FBXL7: variants seen among roughly 807,000 people sequenced by gnomAD.
FBXL7 encodes F-box/LRR-repeat protein 7.
FBXL7 carries 12 observed loss-of-function variants against 38.3 expected under a neutral mutation model. The ratio of observed to expected loss-of-function variants is 0.31; its 90% confidence interval spans 0.20 to 0.51. FBXL7 has a LOEUF of 0.51. Among genes scored for constraint, FBXL7 ranks in the 20% least tolerant of loss-of-function variants. The pLI is 0.98. For synonymous variants in FBXL7, 297 were observed against 300.9 expected (o/e 0.99, Z 0.13); for missense variants, 567 against 676.4 (o/e 0.84, Z 1.79).
intron 2 of FBXL7, among the ~76,000 whole-genome samples, chr5:15,753,092 C>T (rs1439571803): frequency 2.0e-5 from 3 of 152,122 alleles, no homozygotes; most frequent in Non-Finnish European, 2.9e-5. Context: ...GATTATAACT[C>T]CTCTTGCAGG....
chr5:15,917,702 A>G lies in FBXL7; in HGVS notation c.128-10188A>G, dbSNP rs6888458. ...GGAAGGAAGGAAGGAAGGAAGAAAG[A>G]AAGGAAGGAAGGAAGGACGATGCTA... On this transcript the variant is annotated intron_variant, in intron 2 of 3. Coordinates refer to ENST00000504595, the MANE Select transcript of FBXL7 (RefSeq NM_012304.5). Among the ~76,000 whole-genome samples the G allele has an allele frequency of 5.7e-3, 700 of 123,118 alleles. 5 individuals are homozygous for G. The highest frequency in any genetic ancestry group is 0.015 in the African/African-American group (538 of 34,970). 80.8% of individuals were successfully genotyped at this position (123,118 alleles called of 152,430 possible).
intron 2 of FBXL7, among the ~76,000 whole-genome samples, chr5:15,822,485 C>G (rs1338266857): frequency 6.6e-6 from 1 of 152,156 alleles, no homozygotes; most frequent in Non-Finnish European, 1.5e-5. Flanking sequence ...TTCTTGTAAG[C>G]CCTGGATTAA....
At chr5:15,690,887 A>T (rs1328029009) in intron 2 of FBXL7, among the ~76,000 whole-genome samples, 1 of 152,154 alleles carries the variant, frequency 6.6e-6, no homozygotes, top group South Asian at 2.1e-4. Context: ...CTGTAATTGT[A>T]GGAATGGATT....
chr5:15,614,559 C>T (rs1026612495), intron 1 of FBXL7, among the ~76,000 whole-genome samples: 3 of 152,172 alleles, frequency 2.0e-5, no homozygotes, highest in African/African-American at 7.2e-5. Context: ...CACAAGCCAC[C>T]GCGCCCATCC....
At chr5:15,835,844 A>G (rs1738579183) in intron 2 of FBXL7, among the ~76,000 whole-genome samples, 1 of 152,186 alleles carries the variant, frequency 6.6e-6, no homozygotes, top group Admixed American at 6.5e-5. Context: ...GTTAAGTTGT[A>G]GTCCTTTGAA....
intron 2 of FBXL7, among the ~76,000 whole-genome samples, chr5:15,686,721 A>G (rs1020758528): frequency 2.0e-5 from 3 of 152,226 alleles, no homozygotes; most frequent in Admixed American, 2.0e-4. Flanking sequence ...TTGTTCCTGT[A>G]TCTTTAGTTA....
At chr5:15,605,626 T>C (rs1739980255) in intron 1 of FBXL7, among the ~76,000 whole-genome samples, 1 of 152,184 alleles carries the variant, frequency 6.6e-6, no homozygotes. Context: ...AGAGAGCTTC[T>C]TTGGGGTGAT....
At chr5:15,559,995 G>A (rs908347671) in intron 1 of FBXL7, among the ~76,000 whole-genome samples, 6 of 152,170 alleles carry the variant, frequency 3.9e-5, no homozygotes, top group Admixed American at 1.3e-4. Context: ...CGGCATGATT[G>A]TTAGGTACAT....
intron 2 of FBXL7, among the ~76,000 whole-genome samples, chr5:15,690,396 T>A (rs1046554669): frequency 1.3e-5 from 2 of 152,118 alleles, no homozygotes; most frequent in Admixed American, 6.5e-5. Flanking sequence ...ATATTTTTTT[T>A]AATTTTATTT....
At position 15,936,737 on chromosome 5, in the gene FBXL7, C is replaced by T. The variant is rs375745885; in HGVS notation, c.1027C>T (p.Arg343Trp). 6.2e-6 allele frequency: 10 copies of T among 1,608,854 alleles called. No homozygotes were observed. Among genetic ancestry groups the T allele is most frequent in the African/African-American group, 1.3e-5 (1 of 75,026 alleles). Residue 343 changes from arginine (R) to tryptophan (W), a missense_variant, in exon 4 of 4, where the codon CGG becomes TGG. By Grantham distance (101) the Arg-to-Trp change is moderately radical (BLOSUM62 -3). Transcript: ENST00000504595. The surrounding 1 kb of genome is among the most constrained non-coding windows in gnomAD (Gnocchi z 6.0). Reference protein sequence around the residue: ...DCRFVSDFGLREIAKLESRLR... With the variant: ...DCRFVSDFGLWEIAKLESRLR... ...CCGCTTCGTCAGCGACTTCGGCCTG[C>T]GGGAGATCGCCAAGCTGGAGTCCCG...
chr5:15,730,296 A>G (rs1437869719), intron 2 of FBXL7, among the ~76,000 whole-genome samples: 2 of 151,950 alleles, frequency 1.3e-5, no homozygotes, highest in African/African-American at 2.4e-5. Flanking sequence ...ATGTTTGCCT[A>G]TTTTCTTTGG....
chr5:15,688,080 T>C (rs756807178), intron 2 of FBXL7, among the ~76,000 whole-genome samples: 6 of 152,268 alleles, frequency 3.9e-5, no homozygotes, highest in African/African-American at 7.2e-5. Context: ...CAATTACATA[T>C]TTAAATGTAT....
At chr5:15,747,130 C>T (rs1271645530) in intron 2 of FBXL7, among the ~76,000 whole-genome samples, 1 of 152,106 alleles carries the variant, frequency 6.6e-6, no homozygotes, top group Admixed American at 6.5e-5. Flanking sequence ...GGTGGGAATT[C>T]AGCAGACTGT....
intron 1 of FBXL7, among the ~76,000 whole-genome samples, chr5:15,541,417 TAC>T (rs1296452980): frequency 3.0e-5 from 4 of 131,698 alleles, no homozygotes; most frequent in Non-Finnish European, 4.8e-5. Flanking sequence ...TGTATATATA[TAC>T]ATATAGTATA....
chr5:15,622,008 A>G (rs1231654980), intron 2 of FBXL7, among the ~76,000 whole-genome samples: 5 of 152,204 alleles, frequency 3.3e-5, no homozygotes, highest in African/African-American at 1.2e-4. Context: ...AGTTATTGTC[A>G]AGGAACAGCA....
chr5:15,787,327 C>T (rs1196803661), intron 2 of FBXL7, among the ~76,000 whole-genome samples: 7 of 152,084 alleles, frequency 4.6e-5, no homozygotes, highest in East Asian at 3.9e-4. Context: ...AAAATATAGA[C>T]GTGAAGGGGA....
At chr5:15,608,345 T>G (rs1057458799) in intron 1 of FBXL7, among the ~76,000 whole-genome samples, 2 of 152,180 alleles carry the variant, frequency 1.3e-5, no homozygotes, top group African/African-American at 4.8e-5. Context: ...GTCTTTTGTT[T>G]GCGTGTGCAT....
At chr5:15,516,678 G>C (rs776234432) in intron 1 of FBXL7, among the ~76,000 whole-genome samples, 3 of 151,942 alleles carry the variant, frequency 2.0e-5, no homozygotes, top group Non-Finnish European at 4.4e-5. Flanking sequence ...CCCACATGTC[G>C]TGGGAGGGAC....
intron 2 of FBXL7, among the ~76,000 whole-genome samples, chr5:15,812,069 A>G (rs559521443): frequency 6.6e-6 from 1 of 152,334 alleles, no homozygotes; most frequent in Admixed American, 6.5e-5. Flanking sequence ...TTACAATAGC[A>G]AAGACTTGGA....
Sources: gnomAD v4.1 joint callset for allele counts (sites outside exome capture counted in the v4.1 genomes callset) on GRCh38, gnomAD v4.1.1 for gene constraint, Gnocchi (gnomAD v3.1) non-coding constraint, MANE v1.5 for transcripts, NCBI Gene and HGNC (gene_info 2026-07-23, HGNC 2026-07-21) for gene names.